The following TTC7A variants were observed in gnomAD, a reference collection of about 807,000 sequenced individuals.
TTC7A encodes the protein tetratricopeptide repeat protein 7A.
Under a neutral mutation model 103.7 loss-of-function variants are expected in TTC7A, and 110 were observed. That is an observed-to-expected ratio of 1.06 (90% CI 0.91 to 1.24). The LOEUF (loss-of-function observed/expected upper bound fraction) is 1.24, where lower values mean the gene tolerates loss of function less well. Ranked by LOEUF, TTC7A falls within the 50% of genes most tolerant of loss-of-function variation. The pLI is 0.00. For synonymous variants in TTC7A, 521 were observed against 467.9 expected (o/e 1.11, Z -1.47); for missense variants, 1,340 against 1,116.3 (o/e 1.20, Z -2.86).
intron 1 of TTC7A, among the ~76,000 whole-genome samples, chr2:46,949,117 C>T (rs1671183359): frequency 6.6e-6 from 1 of 152,238 alleles, no homozygotes; most frequent in African/African-American, 2.4e-5. Flanking sequence ...ACCCTGCACA[C>T]TGAACACCCG....
In TTC7A at chr2:46,993,493, A is replaced by G; in HGVS notation, c.808A>G (p.Thr270Ala). ...GAGAGAGCTCCGGGAGGTGCTGCGG[A>G]CTGTGGAGACCAAAGCAACTCAGAA... The part of the protein sequence containing the change: ...GMRELREVLR[T>A]VETKATQNFK... The change falls in exon 6 of 20, where the codon ACT becomes GCT. Residue 270 changes from threonine to alanine, a missense_variant. Coordinates refer to ENST00000319190, the MANE Select transcript of TTC7A (RefSeq NM_020458.4). 6.2e-7 allele frequency: 1 copy of G among 1,614,136 alleles called. No individual in the cohort carries two copies. The highest frequency in any genetic ancestry group is 8.5e-7 in the Non-Finnish European group (1 of 1,180,018).
intron 3 of TTC7A, among the ~76,000 whole-genome samples, chr2:46,961,910 GA>G (rs1386906003): frequency 2.6e-5 from 4 of 152,220 alleles, no homozygotes; most frequent in Middle Eastern, 6.8e-3. Flanking sequence ...CTCCGTCTCA[GA>G]AAAACAAAAA....
At chr2:47,000,971 A>T (rs1676747565) in intron 8 of TTC7A, among the ~76,000 whole-genome samples, 3 of 152,048 alleles carry the variant, frequency 2.0e-5, no homozygotes, top group Admixed American at 2.0e-4. Flanking sequence ...ACTTCCTCGG[A>T]GGTACCTGGA....
Position 47,060,979 on chromosome 2 carries a change from A to G in TTC7A, c.2355+8A>G. On this transcript the variant is annotated splice_region_variant and intron_variant, in intron 19 of 19. Transcript: ENST00000319190. ...CGCATCATGCATAGCCTGGTGAGTCAGAGCCCCCCGCGCTCCCACCACCTC... is the reference window on the plus strand; with the variant it reads ...CGCATCATGCATAGCCTGGTGAGTCGGAGCCCCCCGCGCTCCCACCACCTC... 1.9e-6 allele frequency: 3 copies of G among 1,594,026 alleles called. No individual in the cohort carries two copies. Among genetic ancestry groups the G allele is most frequent in the Non-Finnish European group, 2.6e-6 (3 of 1,168,838 alleles).
At chr2:46,928,568 G>A (rs184693233) in intron 2 of TTC7A, among the ~76,000 whole-genome samples, 7 of 151,464 alleles carry the variant, frequency 4.6e-5, no homozygotes, top group Admixed American at 2.0e-4. Context: ...TCAGGAGTTC[G>A]AGACCAACCT....
chr2:46,941,238 AGCGGCGGCG>A lies in TTC7A; in HGVS notation c.-295_-287del, dbSNP rs998042740. ...GGGCGGAGGCTGTGGCAGCAGCTGCAGCGGCGGCGGCGGCGGCAGCGCCAGGAGCTGCTA... is the reference window on the plus strand; with the variant it reads ...GGGCGGAGGCTGTGGCAGCAGCTGCAGCGGCGGCAGCGCCAGGAGCTGCTA... On this transcript the variant is annotated 5_prime_UTR_variant, in exon 1 of 20. Coordinates refer to ENST00000319190, the MANE Select transcript of TTC7A (RefSeq NM_020458.4). This position sits in a 1 kb window ranked among gnomAD's most constrained non-coding sequence, Gnocchi z 4.2. The A allele has an allele frequency of 7.9e-4, 116 of 147,648 alleles. No homozygotes were observed. The highest frequency in any genetic ancestry group is 6.7e-3 in the Middle Eastern group (2 of 300). 9.1% of individuals were successfully genotyped at this position (147,648 alleles called of 1,614,324 possible). A position where few individuals can be genotyped will look rare whatever the true frequency, so the allele number is the denominator to read the frequency against.
At chr2:47,004,480 G>C (rs926301029) in intron 8 of TTC7A, among the ~76,000 whole-genome samples, 3 of 152,188 alleles carry the variant, frequency 2.0e-5, no homozygotes, top group Admixed American at 6.5e-5. Context: ...GGAGGGATGG[G>C]GTAGCTCTGA....
intron 19 of TTC7A, chr2:47,068,481 C>T (rs1025301364): frequency 2.0e-5 from 3 of 152,088 alleles, no homozygotes; most frequent in African/African-American, 7.2e-5. Flanking sequence ...CGTCTTGGCT[C>T]TGTGACCTCT....
At chr2:46,964,873 T>C (rs372216453) in intron 3 of TTC7A, among the ~76,000 whole-genome samples, 2 of 152,190 alleles carry the variant, frequency 1.3e-5, no homozygotes, top group East Asian at 1.9e-4. Context: ...CCTTAGTCAT[T>C]GGTGCCTAAT....
At chr2:47,071,262 G>A (rs1413140424) in intron 19 of TTC7A, 1 of 152,186 alleles carries the variant, frequency 6.6e-6, no homozygotes, top group African/African-American at 2.4e-5. Context: ...ACAGGCCCTG[G>A]GCCTCTGGGC....
chr2:47,038,830 G>T (rs1159106265), intron 15 of TTC7A, among the ~76,000 whole-genome samples: 1 of 151,958 alleles, frequency 6.6e-6, no homozygotes, highest in Non-Finnish European at 1.5e-5. Flanking sequence ...TACCCACAGT[G>T]TTCCAGGCCT....
intron 19 of TTC7A, 75 bp from the exon 20 acceptor site, chr2:47,073,619 CGTGCACCT>C (rs1684963254): frequency 8.4e-7 from 1 of 1,194,456 alleles, no homozygotes; most frequent in Non-Finnish European, 1.2e-6. Context: ...TGCTGCCACC[CGTGCACCT>C]GTGCTTGGCC....
At chr2:47,005,051 C>T (rs1051222081) in intron 8 of TTC7A, among the ~76,000 whole-genome samples, 3 of 152,202 alleles carry the variant, frequency 2.0e-5, no homozygotes, top group Admixed American at 6.5e-5. Context: ...GCACCTTTCC[C>T]TCTCCTACCG....
Position 46,973,486 on chromosome 2 carries a change from C to T in TTC7A, c.518-1487C>T, listed in dbSNP as rs545649772. Among the ~76,000 whole-genome samples the T allele has an allele frequency of 9.2e-5, 14 of 151,992 alleles. No individual in the cohort carries two copies. In the East Asian group the frequency reaches 2.9e-3, roughly 31 times the overall value. ...AGTGCGGCGGAGGATGGATCCCTCC[C>T]ACTGCCGCAGGTTGCCGGTTGAGGT... On this transcript the variant is annotated intron_variant, in intron 3 of 19. Coordinates refer to ENST00000319190, the MANE Select transcript of TTC7A (RefSeq NM_020458.4).
chr2:47,016,113 G>A (rs1330181636), intron 11 of TTC7A, among the ~76,000 whole-genome samples: 2 of 152,210 alleles, frequency 1.3e-5, no homozygotes, highest in East Asian at 3.8e-4. Flanking sequence ...CTGGGCATTA[G>A]CAGAGTGTGT....
rs552960056 is a variant in TTC7A at position 46,956,602 on chromosome 2, A to G, written c.349-237A>G. 26 of 539,692 alleles carry G rather than the reference A, an allele frequency of 4.8e-5. No individual in the cohort carries two copies. In the East Asian group the frequency reaches 7.9e-4, roughly 16 times the overall value. 33.4% of individuals were successfully genotyped at this position (539,692 alleles called of 1,614,324 possible). A position where few individuals can be genotyped will look rare whatever the true frequency, so the allele number is the denominator to read the frequency against. ...GTCTTGCTGGGGGCATAAAACGCAC[A>G]CACATGAAACAATTAGGGACTCATA... On this transcript the variant is annotated intron_variant, in intron 2 of 19. Coordinates refer to ENST00000319190, the MANE Select transcript of TTC7A (RefSeq NM_020458.4).
intron 3 of TTC7A, among the ~76,000 whole-genome samples, chr2:46,970,928 C>G (rs892743371): frequency 6.6e-6 from 1 of 152,218 alleles, no homozygotes; most frequent in African/African-American, 2.4e-5. Flanking sequence ...GCCAAGGCAA[C>G]CGAACTTTGG....
chr2:46,994,788 CTCTCGCTTGTGCCAT>C (rs1177104776), intron 7 of TTC7A, among the ~76,000 whole-genome samples: 5 of 152,252 alleles, frequency 3.3e-5, no homozygotes. Flanking sequence ...ATACACCTCT[CTCTCGCTTGTGCCAT>C]TCATCGAAGG....
intron 11 of TTC7A, among the ~76,000 whole-genome samples, chr2:47,021,052 G>A (rs1438402025): frequency 6.6e-6 from 1 of 152,220 alleles, no homozygotes; most frequent in Non-Finnish European, 1.5e-5. Context: ...CTGTGGGTGG[G>A]TCAGTGCCAG....
Sources: gnomAD v4.1 joint callset for allele counts (sites outside exome capture counted in the v4.1 genomes callset) on GRCh38, gnomAD v4.1.1 for gene constraint, Gnocchi (gnomAD v3.1) non-coding constraint, MANE v1.5 for transcripts, NCBI Gene and HGNC (gene_info 2026-07-23, HGNC 2026-07-21) for gene names.